PIP4P2: variants seen among roughly 807,000 people sequenced by gnomAD.
PIP4P2 encodes phosphatidylinositol-4,5-bisphosphate 4-phosphatase 2.
Under a neutral mutation model 33.3 loss-of-function variants are expected in PIP4P2, and 19 were observed. That is an observed-to-expected ratio of 0.57 (90% CI 0.40 to 0.84). The LOEUF is 0.84. Among genes scored for constraint, PIP4P2 ranks in the 40% least tolerant of loss-of-function variants. The pLI, the probability that PIP4P2 is intolerant of heterozygous loss-of-function variation, is 0.00. For synonymous variants in PIP4P2, 110 were observed against 111.9 expected (o/e 0.98, Z 0.11); for missense variants, 270 against 324.7 (o/e 0.83, Z 1.29).
chr8:90,996,815 T>G (rs537300768), intron 5 of PIP4P2, 71 bp from the exon 6 acceptor site: 2 of 1,214,770 alleles, frequency 1.6e-6, no homozygotes, highest in Admixed American at 2.4e-5. Flanking sequence ...TTTTTGTGAG[T>G]TCTTATCTAT....
rs1812003906 is a variant in PIP4P2 at position 91,021,191 on chromosome 8, A to G, written c.255+65T>C. The G allele has an allele frequency of 1.9e-6, 3 of 1,568,378 alleles. No individual in the cohort carries two copies. The East Asian group carries it at 6.8e-5, about 35-fold the overall frequency. On this transcript the variant is annotated intron_variant, in intron 2 of 6. Coordinates refer to ENST00000285419, the MANE Select transcript of PIP4P2 (RefSeq NM_018710.3). ...TACTTTTAAGTAACATTATTGAAGT[A>G]CTTCCTTTAGGAATAAAATGTCAAA...
chr8:91,000,302 G>C (rs1811684512), intron 5 of PIP4P2, among the ~76,000 whole-genome samples: 1 of 151,534 alleles, frequency 6.6e-6, no homozygotes, highest in Admixed American at 6.6e-5. Context: ...CAGTGTTTCT[G>C]GTGAATTGTT....
At chr8:91,007,425 G>T (rs1161804331) in intron 5 of PIP4P2, among the ~76,000 whole-genome samples, 1 of 151,954 alleles carries the variant, frequency 6.6e-6, no homozygotes, top group Non-Finnish European at 1.5e-5. Flanking sequence ...CCATTCTTGG[G>T]ATTTCTCAAC....
At chr8:91,008,590 G>T (rs544566142) in intron 5 of PIP4P2, among the ~76,000 whole-genome samples, 153 bp downstream of exon 5, 28 of 152,184 alleles carry the variant, frequency 1.8e-4, no homozygotes, top group African/African-American at 6.5e-4. Context: ...TTTGTTTTAG[G>T]ATATCTTTTT....
At chr8:91,026,467 T>G in intron 1 of PIP4P2, among the ~76,000 whole-genome samples, 1 of 152,134 alleles carries the variant, frequency 6.6e-6, no homozygotes, top group South Asian at 2.1e-4. Flanking sequence ...TCAGAAGTCA[T>G]ATTTCAGTTC....
intron 5 of PIP4P2, among the ~76,000 whole-genome samples, chr8:90,998,073 C>T (rs377529243): frequency 2.0e-5 from 3 of 151,908 alleles, no homozygotes; most frequent in Admixed American, 1.3e-4. Context: ...TAACATTTAG[C>T]CCTAGTCTAT....
intron 5 of PIP4P2, among the ~76,000 whole-genome samples, chr8:90,999,001 A>G (rs976062711): frequency 1.3e-5 from 2 of 152,174 alleles, no homozygotes; most frequent in Non-Finnish European, 2.9e-5. Flanking sequence ...ACAGAATGGG[A>G]GAAAAATTTT....
At position 90,995,538 on chromosome 8, in the gene PIP4P2, TAA is replaced by T; in HGVS notation, c.*137_*138del. 9.1e-7 allele frequency: 1 copy of T among 1,099,362 alleles called. No individual in the cohort carries two copies. The highest frequency in any genetic ancestry group is 1.2e-6 in the Non-Finnish European group (1 of 825,426). 68.1% of individuals were successfully genotyped at this position (1,099,362 alleles called of 1,614,324 possible). ...ATATAGTGCAATGAGCATTTGTTCATAAAAGACTCCCAAAGTCTTGAAACGAT... is the reference window on the plus strand; with the variant it reads ...ATATAGTGCAATGAGCATTTGTTCATAAGACTCCCAAAGTCTTGAAACGAT... On this transcript the variant is annotated 3_prime_UTR_variant, in exon 7 of 7. Coordinates refer to ENST00000285419, the MANE Select transcript of PIP4P2 (RefSeq NM_018710.3).
chr8:91,004,526 C>G (rs1457584272), intron 5 of PIP4P2, among the ~76,000 whole-genome samples: 1 of 152,086 alleles, frequency 6.6e-6, no homozygotes, highest in Non-Finnish European at 1.5e-5. Flanking sequence ...TCAATAGTAT[C>G]AAATGCTACA....
chr8:91,030,109 C>G (rs1016491276), intron 1 of PIP4P2, among the ~76,000 whole-genome samples: 1 of 149,656 alleles, frequency 6.7e-6, no homozygotes, highest in Non-Finnish European at 1.5e-5. Context: ...TTAAATGTTA[C>G]AATTTTAAGA....
chr8:91,018,320 T>C (rs559487899), intron 4 of PIP4P2, 70 bp downstream of exon 4: 2 of 1,602,010 alleles, frequency 1.2e-6, no homozygotes, highest in Admixed American at 1.7e-5. Context: ...TATAAGACTA[T>C]GAGCAGTGCT....
intron 5 of PIP4P2, among the ~76,000 whole-genome samples, chr8:91,000,786 G>T (rs768419543): frequency 6.6e-6 from 1 of 151,708 alleles, no homozygotes; most frequent in Admixed American, 6.6e-5. Context: ...ATCTTTCATA[G>T]ATCTGAAAAT....
At position 91,020,217 on chromosome 8, in the gene PIP4P2, CAAGGGCATCT is replaced by C; in HGVS notation, c.292_301del (p.Arg98ValfsTer14). ...GTCCTTACAAATGAGAAGACAATTA[CAAGGGCATCT>C]AACATATTTCTTGCCTGTTGGGGGG... On this transcript the variant is annotated frameshift_variant, in exon 3 of 7. Transcript: ENST00000285419. LOFTEE classifies it high-confidence loss of function. 6.2e-7 allele frequency: 1 copy of C among 1,613,800 alleles called. No homozygotes were observed. Among genetic ancestry groups the C allele is most frequent in the Non-Finnish European group, 8.5e-7 (1 of 1,179,820 alleles).
Position 91,020,077 on chromosome 8 carries a change from G to A in PIP4P2, c.362+80C>T, listed in dbSNP as rs1036302208. On this transcript the variant is annotated intron_variant, in intron 3 of 6. Transcript: ENST00000285419. ...AAACAAAAACTCTTTCTAGAACAAAGCCTGGCACTGAAGAACCTTTAGTAA... is the reference window on the plus strand; with the variant it reads ...AAACAAAAACTCTTTCTAGAACAAAACCTGGCACTGAAGAACCTTTAGTAA... 6 of 1,379,596 alleles carry A rather than the reference G, an allele frequency of 4.3e-6. No individual in the cohort carries two copies. The African/African-American group carries it at 8.6e-5, about 20-fold the overall frequency. 85.5% of individuals were successfully genotyped at this position (1,379,596 alleles called of 1,614,324 possible).
chr8:91,008,631 G>T, intron 5 of PIP4P2, 112 bp downstream of exon 5: 2 of 851,824 alleles, frequency 2.3e-6, no homozygotes, highest in Non-Finnish European at 3.7e-6. Context: ...CATTGGCATG[G>T]ATTCACTCCA....
chr8:91,005,130 A>C (rs1160408484), intron 5 of PIP4P2, among the ~76,000 whole-genome samples: 1 of 152,184 alleles, frequency 6.6e-6, no homozygotes. Context: ...TTCTATATCT[A>C]ATATGTTGAA....
intron 5 of PIP4P2, among the ~76,000 whole-genome samples, chr8:90,997,446 T>C (rs1490152302): frequency 6.6e-6 from 1 of 152,100 alleles, no homozygotes; most frequent in Non-Finnish European, 1.5e-5. Flanking sequence ...GATTTTTAAA[T>C]TTAGAATTAG....
At position 91,001,280 on chromosome 8, in the gene PIP4P2, T is replaced by G. The variant is rs75053334; in HGVS notation, c.540-4536A>C. On this transcript the variant is annotated intron_variant, in intron 5 of 6. Transcript: ENST00000285419. ...ATATGAGTATGGATTTTTCTTTAAT[T>G]TTATGCAATTTTATCACGTTTAGGT... Among the ~76,000 whole-genome samples the G allele has an allele frequency of 2.3e-3, 356 of 152,156 alleles. 5 individuals are homozygous for G. Among genetic ancestry groups the G allele is most frequent in the African/African-American group, 8.3e-3 (345 of 41,512 alleles).
intron 6 of PIP4P2, 96 bp downstream of exon 6, chr8:90,996,558 C>G: frequency 2.1e-6 from 2 of 950,802 alleles, no homozygotes; most frequent in Non-Finnish European, 3.1e-6. Context: ...AAGGAGGCAG[C>G]CTCTTCAGGA....
Sources: gnomAD v4.1 joint callset for allele counts (sites outside exome capture counted in the v4.1 genomes callset) on GRCh38, gnomAD v4.1.1 for gene constraint, MANE v1.5 for transcripts, NCBI Gene and HGNC (gene_info 2026-07-23, HGNC 2026-07-21) for gene names.